The following HIVEP1 variants were observed in gnomAD, a reference collection of about 807,000 sequenced individuals.
HIVEP1 encodes the protein HIVEP zinc finger 1.
Under a neutral mutation model 180.0 loss-of-function variants are expected in HIVEP1, and 36 were observed. The observed-to-expected ratio is 0.20, with a 90% confidence interval of 0.15 to 0.26. The LOEUF (loss-of-function observed/expected upper bound fraction) is 0.26. Among genes scored for constraint, HIVEP1 ranks in the 10% least tolerant of loss-of-function variants. The pLI is 1.00. For missense variants in HIVEP1, 3,143 were observed against 3,268.7 expected (o/e 0.96, Z 0.94); for synonymous variants, 1,239 against 1,239.0 (o/e 1.00, Z 0.00).
the HIVEP1 span, among the ~76,000 whole-genome samples, chr6:12,183,157 C>A: frequency 6.6e-6 from 1 of 151,920 alleles, no homozygotes; most frequent in East Asian, 1.9e-4. Context: ...AAATTTAAGC[C>A]AAAACGAAAC....
intron 2 of HIVEP1, among the ~76,000 whole-genome samples, 164 bp from the exon 3 acceptor site, chr6:12,089,020 A>G (rs995845106): frequency 2.6e-5 from 4 of 152,148 alleles, no homozygotes; most frequent in Admixed American, 6.6e-5. Context: ...TATGAATTTA[A>G]AAGGGAATAT....
At chr6:12,022,269 C>T (rs1207784017) in intron 2 of HIVEP1, among the ~76,000 whole-genome samples, 1 of 152,012 alleles carries the variant, frequency 6.6e-6, no homozygotes, top group Non-Finnish European at 1.5e-5. Flanking sequence ...TCTCCAGGTT[C>T]AAATGATTTT....
At chr6:12,169,492 A>G (rs953368302), downstream of HIVEP1, among the ~76,000 whole-genome samples, 8 of 152,200 alleles carry the variant, frequency 5.3e-5, no homozygotes, top group Admixed American at 2.0e-4. Flanking sequence ...AACCAACTCC[A>G]AAAGAAATTA....
intron 2 of HIVEP1, among the ~76,000 whole-genome samples, chr6:12,026,643 CAT>C (rs1768603273): frequency 6.6e-6 from 1 of 152,084 alleles, no homozygotes; most frequent in African/African-American, 2.4e-5. Flanking sequence ...GTCATAAGGT[CAT>C]AAGTATTTAA....
chr6:12,067,554 C>CT (rs752555326), intron 2 of HIVEP1, among the ~76,000 whole-genome samples: 1 of 151,946 alleles, frequency 6.6e-6, no homozygotes, highest in Non-Finnish European at 1.5e-5. Flanking sequence ...TTCTTCCCTG[C>CT]TTTTGAGTAG....
intron 2 of HIVEP1, among the ~76,000 whole-genome samples, chr6:12,027,821 TAAAC>T (rs1341715614): frequency 1.3e-5 from 2 of 152,264 alleles, no homozygotes; most frequent in Non-Finnish European, 2.9e-5. Flanking sequence ...GAAACATGTT[TAAAC>T]ATCCAATATG....
At chr6:12,025,198 T>C (rs1368100265) in intron 2 of HIVEP1, among the ~76,000 whole-genome samples, 2 of 152,178 alleles carry the variant, frequency 1.3e-5, no homozygotes, top group Non-Finnish European at 2.9e-5. Flanking sequence ...ATGTTGATAG[T>C]AGAAAGTTCT....
At chr6:12,008,515 C>G (rs191351460), upstream of HIVEP1, 18 of 152,410 alleles carry the variant, frequency 1.2e-4, no homozygotes, top group African/African-American at 3.6e-4. Flanking sequence ...CAGGTAGCAA[C>G]AGGAAGCCCG....
At chr6:12,168,798 G>T (rs747376678), downstream of HIVEP1, among the ~76,000 whole-genome samples, 1 of 152,056 alleles carries the variant, frequency 6.6e-6, no homozygotes, top group East Asian at 1.9e-4. Context: ...GTTAGATGAT[G>T]TTGTCCAACT....
the HIVEP1 span, among the ~76,000 whole-genome samples, chr6:12,174,821 C>T: frequency 6.6e-6 from 1 of 152,070 alleles, no homozygotes; most frequent in Non-Finnish European, 1.5e-5. Flanking sequence ...CTTGTTGTTG[C>T]TATTTAAATA....
chr6:12,208,319 G>C, the HIVEP1 span, among the ~76,000 whole-genome samples: 1 of 152,170 alleles, frequency 6.6e-6, no homozygotes, highest in African/African-American at 2.4e-5. Flanking sequence ...GCCCTGTGAT[G>C]AGCCCTGGGA....
chr6:12,120,825 C>A lies in HIVEP1; in HGVS notation c.1030C>A (p.Gln344Lys). Residue 344 changes from glutamine to lysine, a missense_variant, in exon 4 of 9, where the codon CAG becomes AAG. Physicochemically the swap from Gln to Lys is moderately conservative, Grantham distance 53. Transcript: ENST00000379388. The part of the protein sequence containing the change: ...VGLTSPSSRS[Q>K]VTPQNQQMDS... ...CCTAACTTCACCTTCCAGTAGATCT[C>A]AGGTTACTCCTCAAAACCAGCAAAT... The A allele has an allele frequency of 6.2e-7, 1 of 1,614,160 alleles. No homozygotes were observed. Among genetic ancestry groups the A allele is most frequent in the Non-Finnish European group, 8.5e-7 (1 of 1,180,014 alleles).
intron 2 of HIVEP1, among the ~76,000 whole-genome samples, chr6:12,068,325 G>A (rs1252274340): frequency 1.3e-5 from 2 of 152,052 alleles, no homozygotes; most frequent in African/African-American, 2.4e-5. Flanking sequence ...CCTGACCTCA[G>A]GTGATCCGCC....
Position 12,125,253 on chromosome 6 carries a change from C to A in HIVEP1, c.5458C>A (p.Gln1820Lys), listed in dbSNP as rs201018915. 110 of 1,613,960 alleles carry A rather than the reference C, an allele frequency of 6.8e-5. 1 individual carries two copies. The Middle Eastern group carries it at 2.6e-3, about 39-fold the overall frequency. The change falls in exon 4 of 9, where the codon CAA (glutamine) becomes AAA (lysine). Residue 1820 changes from glutamine (Q) to lysine (K), a missense_variant. Coordinates refer to ENST00000379388, the MANE Select transcript of HIVEP1 (RefSeq NM_002114.4). The part of the protein sequence containing the change: ...GVMLEKDVFS[Q>K]PEISNEAVNL... ...GATGTTGGAAAAGGATGTTTTTTCT[C>A]AACCTGAAATTAGTAATGAGGCTGT...
At chr6:12,100,624 C>T (rs1474100374) in intron 3 of HIVEP1, among the ~76,000 whole-genome samples, 1 of 152,160 alleles carries the variant, frequency 6.6e-6, no homozygotes, top group African/African-American at 2.4e-5. Context: ...ATTTGAAAGA[C>T]TCAGGGCAGA....
In HIVEP1 at chr6:12,123,918, C is replaced by G; in HGVS notation, c.4123C>G (p.Gln1375Glu). 3.7e-6 allele frequency: 6 copies of G among 1,614,132 alleles called. No individual in the cohort carries two copies. The highest frequency in any genetic ancestry group is 5.1e-6 in the Non-Finnish European group (6 of 1,179,978). ...TGCATCAGAACAGATTAATTGCACG[C>G]AAACGTCAATGGAGGTCTCTGATCT... ...RTASEQINCT[Q>E]TSMEVSDLRS... Residue 1375 changes from glutamine (Q) to glutamate (E), a missense_variant, in exon 4 of 9, where the codon CAA (glutamine) becomes GAA (glutamate). Gln to Glu is a conservative substitution (Grantham distance 29, BLOSUM62 2). Coordinates refer to ENST00000379388, the MANE Select transcript of HIVEP1 (RefSeq NM_002114.4).
chr6:12,099,943 A>C (rs1774012816), intron 3 of HIVEP1, among the ~76,000 whole-genome samples: 1 of 152,248 alleles, frequency 6.6e-6, no homozygotes, highest in Admixed American at 6.5e-5. Context: ...GTATGTCGTC[A>C]CAAAAATAAA....
chr6:12,201,279 C>G, the HIVEP1 span, among the ~76,000 whole-genome samples: 1 of 152,118 alleles, frequency 6.6e-6, no homozygotes, highest in Non-Finnish European at 1.5e-5. Context: ...GAGTTTGAGA[C>G]GAGCCTGGGC....
chr6:12,145,099 A>C (rs4317394), intron 7 of HIVEP1, among the ~76,000 whole-genome samples: 27,201 of 152,218 alleles, frequency 0.18, 2,929 homozygotes, highest in East Asian at 0.46. Flanking sequence ...TATTAACAAT[A>C]GCAAAGACTT....
Sources: allele counts gnomAD v4.1 joint callset (sites outside exome capture counted in the v4.1 genomes callset), GRCh38; gene constraint gnomAD v4.1.1; transcripts MANE v1.5; gene names NCBI Gene and HGNC (gene_info 2026-07-23, HGNC 2026-07-21).